Variants in MATN2 observed in about 807,000 individuals in gnomAD.
MATN2 encodes matrilin 2.
A neutral mutation model predicts 103.2 loss-of-function variants in MATN2; 69 were observed. The ratio of observed to expected loss-of-function variants is 0.67; its 90% CI spans 0.55 to 0.82. The LOEUF is 0.82. Among genes scored for constraint, MATN2 ranks in the 40% least tolerant of loss-of-function variants. The pLI, the probability that MATN2 is intolerant of heterozygous loss-of-function variation, is 0.00. For missense variants in MATN2, 1,023 were observed against 1,211.5 expected, an observed-to-expected ratio of 0.84 and a Z score of 2.31; for synonymous variants, 429 against 450.2, an observed-to-expected ratio of 0.95 and a Z score of 0.60.
intron 1 of MATN2, among the ~76,000 whole-genome samples, chr8:97,877,674 G>A (rs895219490): frequency 1.3e-5 from 2 of 151,940 alleles, no homozygotes; most frequent in African/African-American, 4.8e-5. Context: ...TGTCATAAAT[G>A]CAATTCCACC....
intron 5 of MATN2, among the ~76,000 whole-genome samples, chr8:97,971,041 A>G (rs1237893573): frequency 6.6e-6 from 1 of 152,190 alleles, no homozygotes. Flanking sequence ...GGAGTATGGA[A>G]GAGGAGTTGG....
At chr8:97,985,636 A>C (rs1812166201) in intron 6 of MATN2, among the ~76,000 whole-genome samples, 1 of 152,262 alleles carries the variant, frequency 6.6e-6, no homozygotes, top group Non-Finnish European at 1.5e-5. Flanking sequence ...TTACAAAAGT[A>C]ATACAGGTTC....
At chr8:97,968,935 G>A (rs1259654363) in intron 5 of MATN2, among the ~76,000 whole-genome samples, 1 of 152,234 alleles carries the variant, frequency 6.6e-6, no homozygotes, top group Non-Finnish European at 1.5e-5. Flanking sequence ...AGGAGTACCT[G>A]AGACTGGGTA....
intron 8 of MATN2, chr8:98,004,109 AAACCCT>A (rs1812878491): frequency 3.4e-6 from 1 of 291,738 alleles, no homozygotes; most frequent in Non-Finnish European, 6.9e-6. Context: ...CAACATGGTG[AAACCCT>A]ATCTCTACTA....
intron 13 of MATN2, 79 bp downstream of exon 13, chr8:98,021,406 TC>T (rs1813586137): frequency 6.9e-7 from 1 of 1,458,900 alleles, no homozygotes; most frequent in Admixed American, 1.8e-5. Context: ...AGGCAACAAA[TC>T]CCTCACCTCT....
At position 98,007,195 on chromosome 8, in the gene MATN2, T is replaced by C. The variant is rs1477543294; in HGVS notation, c.1418T>C (p.Phe473Ser). The C allele has an allele frequency of 6.2e-7, 1 of 1,613,918 alleles. No homozygotes were observed. Among genetic ancestry groups the C allele is most frequent in the Admixed American group, 1.7e-5 (1 of 60,020 alleles). ...TTCGTCTGCCAGTGCTCAGAAGGCT[T>C]CCTCATCAACGAGGACCTCAAGACC... Reference protein sequence around the residue: ...DSFVCQCSEGFLINEDLKTCS... With the variant: ...DSFVCQCSEGSLINEDLKTCS... Residue 473 changes from phenylalanine to serine, a missense_variant, in exon 9 of 19, where the codon TTC becomes TCC. Coordinates refer to ENST00000254898, the MANE Select transcript of MATN2 (RefSeq NM_002380.5). This position sits in a 1 kb window ranked among gnomAD's most constrained non-coding sequence, Gnocchi z 4.2.
At chr8:97,879,775 C>T (rs1178721346) in intron 1 of MATN2, among the ~76,000 whole-genome samples, 1 of 152,212 alleles carries the variant, frequency 6.6e-6, no homozygotes, top group East Asian at 1.9e-4. Flanking sequence ...GCCTGCACCA[C>T]TGGGTGGAAG....
chr8:97,877,190 TG>T (rs958850093), intron 1 of MATN2, among the ~76,000 whole-genome samples: 6 of 151,576 alleles, frequency 4.0e-5, no homozygotes, highest in South Asian at 2.1e-4. Context: ...AAAAATTTTT[TG>T]GGGGGGCCAG....
At chr8:98,032,526 TTTGTTTTTGTTG>T (rs1489151215) in intron 16 of MATN2, among the ~76,000 whole-genome samples, 3 of 152,064 alleles carry the variant, frequency 2.0e-5, no homozygotes, top group Non-Finnish European at 4.4e-5. Flanking sequence ...TTTTTTTGTT[TTTGTTTTTGTTG>T]TTGTTGTTTT....
At chr8:97,884,943 G>A (rs1818376578) in intron 1 of MATN2, among the ~76,000 whole-genome samples, 1 of 152,198 alleles carries the variant, frequency 6.6e-6, no homozygotes, top group South Asian at 2.1e-4. Flanking sequence ...GGAAACTGAG[G>A]TCAAGAGAGG....
rs562953060 is a variant in MATN2 at position 97,964,877 on chromosome 8, G to T, written c.958+3347G>T. Reference sequence around the variant, plus strand: ...GACTCCCAAGTTGCTGGGACCACAGGTGCATACCACACGTCTGGCTAATTT... The same window carrying T: ...GACTCCCAAGTTGCTGGGACCACAGTTGCATACCACACGTCTGGCTAATTT... On this transcript the variant is annotated intron_variant, in intron 5 of 18. Coordinates refer to ENST00000254898, the MANE Select transcript of MATN2 (RefSeq NM_002380.5). Among the ~76,000 whole-genome samples the T allele has an allele frequency of 9.8e-4, 149 of 152,128 alleles. 1 individual carries two copies. The Middle Eastern group carries it at 0.017, about 17-fold the overall frequency.
chr8:97,906,583 G>A (rs1014382687), intron 2 of MATN2, among the ~76,000 whole-genome samples: 3 of 152,204 alleles, frequency 2.0e-5, no homozygotes, highest in African/African-American at 7.2e-5. Context: ...ACCAGACACA[G>A]ACTAGATAGA....
chr8:97,956,429 G>A lies in MATN2; in HGVS notation c.836-4979G>A, dbSNP rs531648241. 8.5e-5 allele frequency among the ~76,000 whole-genome samples: 13 copies of A among 152,226 alleles called. No individual in the cohort carries two copies. In the South Asian group the frequency reaches 1.7e-3, roughly 19 times the overall value. The stretch of plus-strand genomic sequence containing the variant: ...TGACCTCACATGATCCACCTGCCTC[G>A]GTCTCCGAAAATGCTGGGATTATGG... On this transcript the variant is annotated intron_variant, in intron 4 of 18. Coordinates refer to ENST00000254898, the MANE Select transcript of MATN2 (RefSeq NM_002380.5).
intron 2 of MATN2, among the ~76,000 whole-genome samples, chr8:97,926,810 C>T (rs1266411956): frequency 1.3e-5 from 2 of 152,244 alleles, no homozygotes. Flanking sequence ...CTGATTCAAT[C>T]TCTTTCCCTG....
intron 12 of MATN2, among the ~76,000 whole-genome samples, chr8:98,018,413 G>C (rs1191222326): frequency 1.3e-5 from 2 of 152,170 alleles, no homozygotes; most frequent in African/African-American, 2.4e-5. Flanking sequence ...CTAGTCACTG[G>C]ACTGAATTAG....
At chr8:97,963,227 TCTA>T (rs768377766) in intron 5 of MATN2, among the ~76,000 whole-genome samples, 36 of 152,208 alleles carry the variant, frequency 2.4e-4, no homozygotes, top group Admixed American at 5.2e-4. Context: ...CTTTTTCCCC[TCTA>T]CTATTTGTTA....
intron 4 of MATN2, among the ~76,000 whole-genome samples, chr8:97,945,478 G>T (rs567629091): frequency 1.3e-5 from 2 of 152,110 alleles, no homozygotes; most frequent in African/African-American, 4.8e-5. Context: ...CGACATGGCA[G>T]CAGGACAACC....
At chr8:97,972,226 T>C (rs980935206) in intron 5 of MATN2, among the ~76,000 whole-genome samples, 13 of 151,574 alleles carry the variant, frequency 8.6e-5, no homozygotes, top group Admixed American at 8.6e-4. Flanking sequence ...TAGTCCCAGC[T>C]ACTTGGGAGG....
At chr8:97,954,056 A>G (rs574855380) in intron 4 of MATN2, among the ~76,000 whole-genome samples, 1 of 152,290 alleles carries the variant, frequency 6.6e-6, no homozygotes, top group African/African-American at 2.4e-5. Context: ...TACAAATAAG[A>G]TATTTAACCT....
Sources: allele counts gnomAD v4.1 joint callset (sites outside exome capture counted in the v4.1 genomes callset), GRCh38; gene constraint gnomAD v4.1.1; non-coding constraint Gnocchi (gnomAD v3.1); transcripts MANE v1.5; gene names NCBI Gene and HGNC (gene_info 2026-07-23, HGNC 2026-07-21).